GRID1: variants seen among roughly 807,000 people sequenced by gnomAD.
GRID1 encodes the protein glutamate ionotropic receptor delta type subunit 1, also known as glutamate receptor ionotropic, delta-1.
Under a neutral mutation model 98.0 loss-of-function variants are expected in GRID1, and 28 were observed. The ratio of observed to expected loss-of-function variants is 0.29; its 90% CI spans 0.21 to 0.39. GRID1 has a LOEUF of 0.39. GRID1 is among the 10% of genes least tolerant of loss of function. The pLI is 1.00. For synonymous variants in GRID1, 553 were observed against 538.5 expected (o/e 1.03, Z -0.37); for missense variants, 1,111 against 1,340.5 (o/e 0.83, Z 2.67).
At chr10:85,915,207 TACAC>T (rs768668003) in intron 5 of GRID1, among the ~76,000 whole-genome samples, 1 of 151,926 alleles carries the variant, frequency 6.6e-6, no homozygotes, top group Non-Finnish European at 1.5e-5. Context: ...CAAACATACT[TACAC>T]ACACGCATGC....
At chr10:86,187,272 T>A (rs1845738109) in intron 3 of GRID1, among the ~76,000 whole-genome samples, 1 of 152,160 alleles carries the variant, frequency 6.6e-6, no homozygotes, top group African/African-American at 2.4e-5. Flanking sequence ...GATAAGCACT[T>A]TCTATGAGAC....
intron 3 of GRID1, among the ~76,000 whole-genome samples, chr10:86,158,010 A>C (rs987070628): frequency 1.3e-5 from 2 of 152,226 alleles, no homozygotes; most frequent in African/African-American, 4.8e-5. Context: ...GAGGATTTTC[A>C]TAAACAGCAT....
chr10:85,660,196 G>A (rs941991743), intron 12 of GRID1, among the ~76,000 whole-genome samples: 1 of 152,234 alleles, frequency 6.6e-6, no homozygotes, highest in Non-Finnish European at 1.5e-5. Flanking sequence ...TGCCTGGGGG[G>A]CATCAATGGG....
At position 85,776,191 on chromosome 10, in the gene GRID1, C is replaced by G. The variant is rs148473779; in HGVS notation, c.1234-46577G>C. Among the ~76,000 whole-genome samples, 436 of 152,192 alleles carry G rather than the reference C, an allele frequency of 2.9e-3. 1 individual carries two copies. The highest frequency in any genetic ancestry group is 9.9e-3 in the African/African-American group (411 of 41,522). On this transcript the variant is annotated intron_variant, in intron 8 of 15. Coordinates refer to ENST00000327946, the MANE Select transcript of GRID1 (RefSeq NM_017551.3). ...GGAAATGGTTGGTGTAAGGCCTTTG[C>G]TGCTCCAAGAGAAGACTACAAAGAT...
chr10:85,913,675 G>C (rs1841571456), intron 5 of GRID1, among the ~76,000 whole-genome samples: 1 of 136,804 alleles, frequency 7.3e-6, no homozygotes, highest in Non-Finnish European at 1.6e-5. Flanking sequence ...TGTAGTCCCA[G>C]CTACTCAGGA....
chr10:85,774,630 A>G (rs1842310307), intron 8 of GRID1, among the ~76,000 whole-genome samples: 1 of 152,202 alleles, frequency 6.6e-6, no homozygotes, highest in African/African-American at 2.4e-5. Flanking sequence ...AATTTACAAG[A>G]AGAAAACAAA....
intron 4 of GRID1, among the ~76,000 whole-genome samples, chr10:86,039,049 C>T (rs1443230329): frequency 6.6e-6 from 1 of 152,200 alleles, no homozygotes; most frequent in African/African-American, 2.4e-5. Flanking sequence ...CCTACCACCA[C>T]TTCTTTCCTT....
intron 8 of GRID1, among the ~76,000 whole-genome samples, chr10:85,816,119 T>A (rs1440344220): frequency 1.3e-5 from 2 of 152,132 alleles, no homozygotes; most frequent in Non-Finnish European, 2.9e-5. Flanking sequence ...AGTTTGGCAG[T>A]TTCTTATGAA....
intron 3 of GRID1, among the ~76,000 whole-genome samples, chr10:86,142,681 C>A (rs1845026926): frequency 6.6e-6 from 1 of 152,252 alleles, no homozygotes; most frequent in African/African-American, 2.4e-5. Context: ...CAGAGCACAC[C>A]TTTCTGCACG....
chr10:85,726,565 T>C (rs1288951206), intron 10 of GRID1, among the ~76,000 whole-genome samples: 1 of 152,138 alleles, frequency 6.6e-6, no homozygotes, highest in Non-Finnish European at 1.5e-5. Flanking sequence ...GAGGAGGGGT[T>C]TGTCTGGCCA....
intron 4 of GRID1, among the ~76,000 whole-genome samples, chr10:86,132,464 G>A (rs1307171325): frequency 6.6e-6 from 1 of 152,224 alleles, no homozygotes; most frequent in African/African-American, 2.4e-5. Flanking sequence ...TTGCTAAAGT[G>A]CTAAGGCTTT....
chr10:85,820,251 A>G (rs1842757694), intron 8 of GRID1, among the ~76,000 whole-genome samples: 1 of 152,150 alleles, frequency 6.6e-6, no homozygotes, highest in African/African-American at 2.4e-5. Flanking sequence ...TTCAAAATTG[A>G]CAAGGTCTTT....
chr10:86,159,128 T>C (rs962426102), intron 3 of GRID1, among the ~76,000 whole-genome samples: 1 of 152,202 alleles, frequency 6.6e-6, no homozygotes, highest in African/African-American at 2.4e-5. Context: ...TCTCCTGACC[T>C]CGTGATCCGC....
At chr10:86,309,722 T>C (rs773689412) in intron 2 of GRID1, among the ~76,000 whole-genome samples, 1 of 152,196 alleles carries the variant, frequency 6.6e-6, no homozygotes, top group Non-Finnish European at 1.5e-5. Flanking sequence ...CAAAGAACCA[T>C]CTAAGGAACG....
chr10:86,052,738 A>C (rs1564660380), intron 4 of GRID1, among the ~76,000 whole-genome samples: 1 of 152,254 alleles, frequency 6.6e-6, no homozygotes, highest in African/African-American at 2.4e-5. Flanking sequence ...GTGGAACTAA[A>C]GCAAAGTGCT....
chr10:86,091,517 G>A (rs1174669572), intron 4 of GRID1, among the ~76,000 whole-genome samples: 1 of 151,846 alleles, frequency 6.6e-6, no homozygotes, highest in Non-Finnish European at 1.5e-5. Context: ...GACACGCCTA[G>A]CCCCGCCCCC....
intron 2 of GRID1, among the ~76,000 whole-genome samples, chr10:86,344,098 C>G (rs1015398646): frequency 1.3e-5 from 2 of 152,238 alleles, no homozygotes; most frequent in African/African-American, 4.8e-5. Flanking sequence ...CTTGTTAAAT[C>G]AGGCTCTCTG....
At chr10:86,251,400 A>C (rs944689336) in intron 2 of GRID1, among the ~76,000 whole-genome samples, 1 of 151,918 alleles carries the variant, frequency 6.6e-6, no homozygotes, top group East Asian at 1.9e-4. Flanking sequence ...TATATGCAAT[A>C]TGACATATTT....
chr10:85,876,380 T>C (rs1194220719), intron 5 of GRID1, among the ~76,000 whole-genome samples: 1 of 152,116 alleles, frequency 6.6e-6, no homozygotes, highest in African/African-American at 2.4e-5. Flanking sequence ...GCATCACCTC[T>C]TCTTCTTTCA....
Sources: allele counts gnomAD v4.1 joint callset (sites outside exome capture counted in the v4.1 genomes callset), GRCh38; gene constraint gnomAD v4.1.1; transcripts MANE v1.5; gene names NCBI Gene and HGNC (gene_info 2026-07-23, HGNC 2026-07-21).